Variants in CNTNAP5 observed in about 807,000 individuals in gnomAD.
The protein encoded by CNTNAP5 is contactin-associated protein-like 5.
Under a neutral mutation model 150.2 loss-of-function variants are expected in CNTNAP5, and 72 were observed. The observed-to-expected ratio is 0.48, with a 90% CI of 0.40 to 0.58. CNTNAP5 has a LOEUF of 0.58. Among genes scored for constraint, CNTNAP5 ranks in the 20% least tolerant of loss-of-function variants. The pLI, the probability that CNTNAP5 is intolerant of heterozygous loss-of-function variation, is 0.00. For missense variants in CNTNAP5, 1,636 were observed against 1,626.2 expected (o/e 1.01, Z -0.10); for synonymous variants, 672 against 619.8 (o/e 1.08, Z -1.25).
intron 3 of CNTNAP5, among the ~76,000 whole-genome samples, chr2:124,335,304 A>C (rs1052583089): frequency 6.6e-6 from 1 of 152,026 alleles, no homozygotes; most frequent in Admixed American, 6.6e-5. Context: ...AGCTTTGTAC[A>C]TTCAGACAAA....
chr2:124,892,026 A>G (rs1678205491), intron 21 of CNTNAP5, among the ~76,000 whole-genome samples: 1 of 152,084 alleles, frequency 6.6e-6, no homozygotes, highest in Non-Finnish European at 1.5e-5. Context: ...CTAAGGCTAC[A>G]GTCTATGGAG....
intron 13 of CNTNAP5, among the ~76,000 whole-genome samples, chr2:124,674,796 G>A (rs1199213051): frequency 1.3e-5 from 2 of 151,772 alleles, no homozygotes; most frequent in Admixed American, 1.3e-4. Flanking sequence ...ACCTTTTCAA[G>A]TTTAAATTGT....
At chr2:124,218,976 G>A (rs1373044232) in intron 1 of CNTNAP5, among the ~76,000 whole-genome samples, 2 of 152,074 alleles carry the variant, frequency 1.3e-5, no homozygotes, top group African/African-American at 4.8e-5. Flanking sequence ...CTGAGAATAT[G>A]CACAAAATGA....
chr2:124,125,451 T>C (rs1683668556), intron 1 of CNTNAP5, among the ~76,000 whole-genome samples: 1 of 152,158 alleles, frequency 6.6e-6, no homozygotes, highest in East Asian at 1.9e-4. Context: ...TAGACTCCCA[T>C]GCAATAACAA....
intron 1 of CNTNAP5, among the ~76,000 whole-genome samples, chr2:124,039,588 T>A (rs545760315): frequency 1.3e-5 from 2 of 152,294 alleles, no homozygotes; most frequent in South Asian, 2.1e-4. Context: ...TAAATAAAAT[T>A]GTCACACACC....
At chr2:124,783,665 G>A (rs991019420) in intron 17 of CNTNAP5, among the ~76,000 whole-genome samples, 6 of 152,132 alleles carry the variant, frequency 3.9e-5, no homozygotes, top group African/African-American at 1.4e-4. Flanking sequence ...GTTTCCTGAG[G>A]GGGTTTGGCA....
chr2:124,116,287 T>G (rs1349097826), intron 1 of CNTNAP5, among the ~76,000 whole-genome samples: 1 of 152,098 alleles, frequency 6.6e-6, no homozygotes, highest in Non-Finnish European at 1.5e-5. Flanking sequence ...TTAGGAGGGA[T>G]GTATACAAGG....
intron 4 of CNTNAP5, among the ~76,000 whole-genome samples, chr2:124,427,364 A>AT (rs1164260025): frequency 6.6e-6 from 1 of 151,884 alleles, no homozygotes; most frequent in Non-Finnish European, 1.5e-5. Context: ...CCAATCATAC[A>AT]TTTTCCCTAC....
At chr2:124,481,537 T>A (rs1693761984) in intron 7 of CNTNAP5, among the ~76,000 whole-genome samples, 2 of 152,172 alleles carry the variant, frequency 1.3e-5, no homozygotes, top group Admixed American at 1.3e-4. Flanking sequence ...AAATACAGAA[T>A]AGGGTATGCA....
At chr2:124,547,162 A>G (rs1435430797) in intron 10 of CNTNAP5, among the ~76,000 whole-genome samples, 1 of 152,126 alleles carries the variant, frequency 6.6e-6, no homozygotes, top group Non-Finnish European at 1.5e-5. Flanking sequence ...ATCAGACAGT[A>G]TGCAGATTCC....
At chr2:124,715,822 C>T (rs1343933663) in intron 13 of CNTNAP5, among the ~76,000 whole-genome samples, 1 of 152,166 alleles carries the variant, frequency 6.6e-6, no homozygotes, top group African/African-American at 2.4e-5. Flanking sequence ...AGCTACTAGT[C>T]TGCCACCTCG....
chr2:124,300,402 C>A (rs893900782), intron 3 of CNTNAP5, among the ~76,000 whole-genome samples: 8 of 152,136 alleles, frequency 5.3e-5, no homozygotes, highest in Non-Finnish European at 8.8e-5. Flanking sequence ...TAGGAAGGAT[C>A]TGCTGGAGGA....
intron 13 of CNTNAP5, among the ~76,000 whole-genome samples, chr2:124,701,271 G>T (rs1679515520): frequency 6.6e-6 from 1 of 152,062 alleles, no homozygotes; most frequent in Non-Finnish European, 1.5e-5. Context: ...GTGAGATCAT[G>T]CAATAGTTTC....
chr2:124,644,679 A>G (rs1678166788), intron 12 of CNTNAP5, among the ~76,000 whole-genome samples: 1 of 152,218 alleles, frequency 6.6e-6, no homozygotes, highest in Admixed American at 6.5e-5. Context: ...TAAGAGACAG[A>G]TACAGATGAT....
chr2:124,167,506 G>GT (rs1297567004), intron 1 of CNTNAP5, among the ~76,000 whole-genome samples: 5 of 152,204 alleles, frequency 3.3e-5, no homozygotes, highest in South Asian at 2.1e-4. Flanking sequence ...TTCTCACTGT[G>GT]TTTTTTGTTT....
intron 12 of CNTNAP5, among the ~76,000 whole-genome samples, chr2:124,634,506 G>GTA (rs1677931961): frequency 1.3e-5 from 2 of 152,100 alleles, no homozygotes; most frequent in Admixed American, 6.5e-5. Flanking sequence ...GTGTGTGTGT[G>GTA]TATACATATA....
At chr2:124,516,529 G>T (rs750162157) in intron 8 of CNTNAP5, among the ~76,000 whole-genome samples, 3 of 152,086 alleles carry the variant, frequency 2.0e-5, no homozygotes, top group Non-Finnish European at 2.9e-5. Flanking sequence ...TAAGTGTCAC[G>T]CACTTGAGCA....
chr2:124,649,937 A>ATT (rs1312722126), intron 13 of CNTNAP5, among the ~76,000 whole-genome samples: 2 of 152,218 alleles, frequency 1.3e-5, no homozygotes, highest in African/African-American at 4.8e-5. Flanking sequence ...TTTTATTTCT[A>ATT]TTTTAACAAT....
At chr2:124,549,453 C>T (rs1182755672) in intron 10 of CNTNAP5, among the ~76,000 whole-genome samples, 1 of 152,014 alleles carries the variant, frequency 6.6e-6, no homozygotes, top group Non-Finnish European at 1.5e-5. Context: ...CAAATAAATA[C>T]AATATTTGAA....
Sources: gnomAD v4.1 joint callset for allele counts (sites outside exome capture counted in the v4.1 genomes callset) on GRCh38, gnomAD v4.1.1 for gene constraint, MANE v1.5 for transcripts, NCBI Gene and HGNC (gene_info 2026-07-23, HGNC 2026-07-21) for gene names.